Variants in COL5A1 observed in about 807,000 individuals in gnomAD.
COL5A1 encodes collagen type V alpha 1 chain.
In COL5A1, 16 loss-of-function variants were observed where a neutral mutation model predicts 263.7. The ratio of observed to expected loss-of-function variants is 0.06; its 90% CI spans 0.04 to 0.09. The LOEUF (loss-of-function observed/expected upper bound fraction) is 0.09, where lower values mean the gene tolerates loss of function less well. COL5A1 is among the 10% of genes least tolerant of loss of function. The pLI, the probability that COL5A1 is intolerant of heterozygous loss-of-function variation, is 1.00. For synonymous variants in COL5A1, 1,012 were observed against 1,004.5 expected (o/e 1.01, Z -0.14); for missense variants, 2,036 against 2,540.5 (o/e 0.80, Z 4.27).
chr9:134,740,985 C>T (rs1835279889), intron 11 of COL5A1, among the ~76,000 whole-genome samples: 2 of 151,976 alleles, frequency 1.3e-5, no homozygotes, highest in Admixed American at 1.3e-4. Context: ...CAGGGCCCTT[C>T]CAGTGAGAGG....
intron 4 of COL5A1, among the ~76,000 whole-genome samples, chr9:134,713,437 A>G (rs901438900): frequency 2.0e-5 from 3 of 152,194 alleles, no homozygotes; most frequent in Admixed American, 6.5e-5. Context: ...TTGCAGAGAC[A>G]CCCGGGAGTT....
At chr9:134,840,321 G>T (rs1171114252) in intron 65 of COL5A1, among the ~76,000 whole-genome samples, 1 of 152,206 alleles carries the variant, frequency 6.6e-6, no homozygotes, top group Non-Finnish European at 1.5e-5. Context: ...AGGGTCAGGG[G>T]AGAAGTGGAC....
At position 134,844,143 on chromosome 9, in the gene COL5A1, T is replaced by G. The variant is rs1457730960; in HGVS notation, c.*1840T>G. On this transcript the variant is annotated 3_prime_UTR_variant, in exon 66 of 66. Coordinates refer to ENST00000371817, the MANE Select transcript of COL5A1 (RefSeq NM_000093.5). ...CCACCACCAGAATGCAGTTCCAGCT[T>G]AGGAAGCCACAAACAAGCCACCCAG... 1 of 152,482 alleles carries G rather than the reference T, an allele frequency of 6.6e-6. No homozygotes were observed. The highest frequency in any genetic ancestry group is 2.4e-5 in the African/African-American group (1 of 41,402). The allele number at this position is 152,482 out of a possible 1,614,324, so 9.4% of individuals were successfully genotyped here.
At chr9:134,812,747 G>A (rs201339800) in intron 48 of COL5A1, 35 bp downstream of exon 48, 110 of 1,391,788 alleles carry the variant, frequency 7.9e-5, no homozygotes, top group Non-Finnish European at 9.8e-5. Context: ...GCAGATTTGC[G>A]GTTGTTTGAG....
intron 52 of COL5A1, 141 bp from the exon 53 acceptor site, chr9:134,816,885 C>G (rs1838770400): frequency 2.6e-6 from 2 of 773,406 alleles, no homozygotes; most frequent in African/African-American, 1.7e-5. Flanking sequence ...TCTTAGGACC[C>G]TCTGTGCTAG....
At chr9:134,708,585 A>AG (rs1833926739) in intron 4 of COL5A1, 3 of 518,596 alleles carry the variant, frequency 5.8e-6, no homozygotes, top group Non-Finnish European at 1.2e-5. Flanking sequence ...GGCAGCCCAG[A>AG]CCCCACCCTG....
intron 62 of COL5A1, 147 bp downstream of exon 62, chr9:134,825,002 G>A (rs898503964): frequency 5.3e-5 from 62 of 1,170,096 alleles, no homozygotes; most frequent in South Asian, 2.2e-4. Flanking sequence ...GCCGGGGTGC[G>A]CAAGAGCCTC....
Position 134,818,700 on chromosome 9 carries a change from C to T in COL5A1, c.4275C>T (p.Ile1425=), listed in dbSNP as rs767372665. ...GCCCTCCTGGGAAGACTGGCCCCAT[C>T]GGCCCCCAGGGGGCCCCTGGGAAGC... is the stretch of plus-strand genomic sequence containing the variant. The part of the protein sequence containing the change: ...LEGPPGKTGP[I]GPQGAPGKPG... The change falls in exon 55 of 66, where the codon ATC becomes ATT. Residue 1425 remains isoleucine, a synonymous_variant. Transcript: ENST00000371817. This position sits in a 1 kb window ranked among gnomAD's most constrained non-coding sequence, Gnocchi z 6.0. 49 of 1,610,054 alleles carry T rather than the reference C, an allele frequency of 3.0e-5. No individual in the cohort carries two copies. Among genetic ancestry groups the T allele is most frequent in the Middle Eastern group, 1.7e-4 (1 of 6,002 alleles).
At position 134,820,214 on chromosome 9, in the gene COL5A1, G is replaced by T; in HGVS notation, c.4545G>T (p.Lys1515Asn). 1 of 1,613,528 alleles carries T rather than the reference G, an allele frequency of 6.2e-7. No individual in the cohort carries two copies. Among genetic ancestry groups the T allele is most frequent in the Non-Finnish European group, 8.5e-7 (1 of 1,179,690 alleles). The change falls in exon 58 of 66, where the codon AAG becomes AAT. Residue 1515 changes from lysine to asparagine, a missense_variant. Transcript: ENST00000371817. ...GCCCCCAGGGCTCCTCCGGTCCTAA[G>T]GGAGAACAGGTGCGTGAGATGGCAC... The part of the protein sequence containing the change: ...LPGPQGSSGP[K>N]GEQGITGPSG...
intron 32 of COL5A1, among the ~76,000 whole-genome samples, chr9:134,790,520 A>ATCCG (rs1837646405): frequency 1.3e-5 from 1 of 79,454 alleles, no homozygotes; most frequent in Non-Finnish European, 2.4e-5. Flanking sequence ...CCATCCATTC[A>ATCCG]TCCATCCATC....
chr9:134,646,897 G>A (rs7863874), intron 1 of COL5A1, among the ~76,000 whole-genome samples: 24,271 of 152,156 alleles, frequency 0.16, 2,196 homozygotes, highest in South Asian at 0.29. Context: ...GATGGGCTGG[G>A]CGAGGACAAG....
chr9:134,778,734 G>A (rs1837143869), intron 27 of COL5A1, among the ~76,000 whole-genome samples: 1 of 152,260 alleles, frequency 6.6e-6, no homozygotes, highest in Non-Finnish European at 1.5e-5. Context: ...TGGCGGCCAG[G>A]TGTGAAGCAG....
intron 5 of COL5A1, among the ~76,000 whole-genome samples, chr9:134,727,736 C>T (rs1834714129): frequency 6.6e-6 from 1 of 152,176 alleles, no homozygotes; most frequent in Non-Finnish European, 1.5e-5. Flanking sequence ...GGACTCGATC[C>T]ACTGGAGGGG....
rs1287883389 is a variant in COL5A1 at position 134,755,711 on chromosome 9, G to A, written c.1828-1054G>A. Among the ~76,000 whole-genome samples the A allele has an allele frequency of 2.6e-5, 4 of 152,256 alleles. No homozygotes were observed. Among genetic ancestry groups the A allele is most frequent in the Non-Finnish European group, 5.9e-5 (4 of 68,046 alleles). ...GAAATCTAGAAGAGGCTCCCAATGG[G>A]CCCCTCCATTTGCCCAACAGGGCGA... On this transcript the variant is annotated intron_variant, in intron 16 of 65. Transcript: ENST00000371817. This position sits in a 1 kb window ranked among gnomAD's most constrained non-coding sequence, Gnocchi z 4.1.
Position 134,730,045 on chromosome 9 carries a change from C to T in COL5A1, c.925-191C>T, listed in dbSNP as rs550382887. On this transcript the variant is annotated intron_variant, in intron 6 of 65. Transcript: ENST00000371817. ...GCTTGCAGCTGGGCTGCCTTCTTCC[C>T]ACTTGCTCTGCCCCCAAGCCCCATG... is the stretch of plus-strand genomic sequence containing the variant. Among the ~76,000 whole-genome samples, 5 of 152,290 alleles carry T rather than the reference C, an allele frequency of 3.3e-5. No individual in the cohort carries two copies. The South Asian group carries it at 1.0e-3, about 32-fold the overall frequency.
chr9:134,778,094 G>A (rs1564452727), intron 27 of COL5A1, among the ~76,000 whole-genome samples: 1 of 152,212 alleles, frequency 6.6e-6, no homozygotes, highest in East Asian at 1.9e-4. Context: ...TCTCTGAGGC[G>A]ATGCCACGCC....
intron 3 of COL5A1, 22 bp from the exon 4 acceptor site, chr9:134,701,148 CT>C: frequency 6.2e-7 from 1 of 1,613,412 alleles, no homozygotes; most frequent in Non-Finnish European, 8.5e-7. Flanking sequence ...CAAGCCCTGT[CT>C]TCACCATCTG....
chr9:134,778,395 G>A (rs1564452927), intron 27 of COL5A1, among the ~76,000 whole-genome samples: 1 of 152,236 alleles, frequency 6.6e-6, no homozygotes, highest in African/African-American at 2.4e-5. Flanking sequence ...GAGCCTCCTC[G>A]CGGCTTGGCT....
In COL5A1 at chr9:134,727,352, A is replaced by G. The variant is rs1300981240; in HGVS notation, c.741A>G (p.Ala247=). ...CEHYSPDCDT[A]VPDTPQSQDP... ...ACTACAGCCCTGACTGTGACACCGC[A>G]GTACCTGACACCCCACAGTCGCAGG... Residue 247 remains alanine, a synonymous_variant, in exon 5 of 66, where the codon GCA becomes GCG. Coordinates refer to ENST00000371817, the MANE Select transcript of COL5A1 (RefSeq NM_000093.5). The G allele has an allele frequency of 2.5e-6, 4 of 1,614,120 alleles. No homozygotes were observed. The East Asian group carries it at 8.9e-5, about 36-fold the overall frequency.
Sources: gnomAD v4.1 joint callset for allele counts (sites outside exome capture counted in the v4.1 genomes callset) on GRCh38, gnomAD v4.1.1 for gene constraint, Gnocchi (gnomAD v3.1) non-coding constraint, MANE v1.5 for transcripts, NCBI Gene and HGNC (gene_info 2026-07-23, HGNC 2026-07-21) for gene names.